FANCA: variants seen among roughly 807,000 people sequenced by gnomAD.
FANCA encodes the protein Fanconi anemia group A protein.
A neutral mutation model predicts 194.3 loss-of-function variants in FANCA; 236 were observed. That is an observed-to-expected ratio of 1.21 (90% CI 1.09 to 1.35). FANCA has a LOEUF of 1.35. Among genes scored for constraint, FANCA ranks in the 40% most tolerant of loss-of-function variants. FANCA has a pLI of 0.00. For synonymous variants in FANCA, 1,014 were observed against 715.8 expected (o/e 1.42, Z -6.65); for missense variants, 2,628 against 1,813.9 (o/e 1.45, Z -8.15).
intron 15 of FANCA, among the ~76,000 whole-genome samples, chr16:89,783,773 T>C (rs1049996321): frequency 6.6e-6 from 1 of 151,960 alleles, no homozygotes; most frequent in Non-Finnish European, 1.5e-5. Flanking sequence ...AGCGTGTTTT[T>C]TTCTTTTGAG....
At chr16:89,777,031 G>A (rs1012403130) in intron 20 of FANCA, among the ~76,000 whole-genome samples, 2 of 152,118 alleles carry the variant, frequency 1.3e-5, no homozygotes, top group African/African-American at 4.8e-5. Flanking sequence ...GCAACACAGC[G>A]AAAATCCGTG....
intron 1 of FANCA, chr16:89,816,200 G>T (rs2041115902): frequency 1.8e-6 from 1 of 569,816 alleles, no homozygotes; most frequent in South Asian, 1.8e-5. Context: ...CCGAGGCAGG[G>T]GAGCCCGGGG....
intron 5 of FANCA, chr16:89,810,448 C>G (rs2040832862): frequency 6.6e-6 from 3 of 456,980 alleles, no homozygotes; most frequent in Non-Finnish European, 1.2e-5. Context: ...ACTAATATAC[C>G]CAAGGCTAAA....
At chr16:89,764,443 C>T (rs17226820) in intron 28 of FANCA, among the ~76,000 whole-genome samples, 1,961 of 152,094 alleles carry the variant, frequency 0.013, 36 homozygotes, top group South Asian at 0.092. Flanking sequence ...GTAGCTGGAA[C>T]CAAAGGTGCA....
At position 89,810,322 on chromosome 16, in the gene FANCA, C is replaced by CA. The variant is rs71391246; in HGVS notation, c.522+384dup. ...TGTGCGACAGAGCGAGACTTCGTCTCAAAAAAAAAAAAAAAAGACCAGCCT... is the reference window on the plus strand; with the variant it reads ...TGTGCGACAGAGCGAGACTTCGTCTCAAAAAAAAAAAAAAAAAGACCAGCCT... On this transcript the variant is annotated intron_variant, in intron 5 of 42. Transcript: ENST00000389301. Among the ~76,000 whole-genome samples, 474 of 84,680 alleles carry CA rather than the reference C, an allele frequency of 5.6e-3. 1 individual carries two copies. The highest frequency in any genetic ancestry group is 0.019 in the East Asian group (38 of 2,014). The allele number at this position is 84,680 out of a possible 152,430, so 55.6% of individuals were successfully genotyped here.
chr16:89,787,380 G>A (rs549211418), intron 14 of FANCA, among the ~76,000 whole-genome samples: 4 of 152,048 alleles, frequency 2.6e-5, no homozygotes, highest in East Asian at 3.8e-4. Flanking sequence ...AAAATTAGCC[G>A]TGTGTGGTGG....
At chr16:89,799,849 C>T (rs1300774959) in intron 8 of FANCA, among the ~76,000 whole-genome samples, 8 of 152,176 alleles carry the variant, frequency 5.3e-5, no homozygotes, top group African/African-American at 1.2e-4. Context: ...AAAAATTAGC[C>T]GGGCGCAGTG....
intron 14 of FANCA, among the ~76,000 whole-genome samples, chr16:89,785,917 C>T (rs2039881300): frequency 1.5e-5 from 2 of 132,766 alleles, no homozygotes; most frequent in Admixed American, 8.6e-5. Context: ...TGCAGTGGTG[C>T]CATCTTGGCT....
chr16:89,794,928 G>C (rs2040192937), intron 11 of FANCA, among the ~76,000 whole-genome samples: 1 of 152,190 alleles, frequency 6.6e-6, no homozygotes, highest in Non-Finnish European at 1.5e-5. Context: ...GATAACGTGA[G>C]TTGTGCTGGG....
chr16:89,737,787 C>G lies in FANCA; in HGVS notation c.*814G>C. 6.2e-7 allele frequency: 1 copy of G among 1,614,134 alleles called. No individual in the cohort carries two copies. The highest frequency in any genetic ancestry group is 8.5e-7 in the Non-Finnish European group (1 of 1,180,026). ...TTGGAGCATCAGGGGCCTGGACTCACTGGACTCTCCCCTCTCAGAGGTGCG... is the reference window on the plus strand; with the variant it reads ...TTGGAGCATCAGGGGCCTGGACTCAGTGGACTCTCCCCTCTCAGAGGTGCG... On this transcript the variant is annotated 3_prime_UTR_variant, in exon 43 of 43. Transcript: ENST00000389301.
chr16:89,776,299 G>A (rs927929969), intron 20 of FANCA, among the ~76,000 whole-genome samples: 1 of 150,308 alleles, frequency 6.7e-6, no homozygotes, highest in East Asian at 2.0e-4. Flanking sequence ...TCCCGAGTAG[G>A]TGGGATTACA....
chr16:89,780,349 C>A (rs776407689), intron 17 of FANCA, among the ~76,000 whole-genome samples: 3 of 152,122 alleles, frequency 2.0e-5, no homozygotes, highest in Non-Finnish European at 2.9e-5. Context: ...GGGCTGGGTG[C>A]CATGACTCAT....
At chr16:89,754,388 T>C (rs2038703794) in intron 30 of FANCA, among the ~76,000 whole-genome samples, 1 of 152,232 alleles carries the variant, frequency 6.6e-6, no homozygotes, top group Non-Finnish European at 1.5e-5. Context: ...TTTTTTGTTT[T>C]GAGACTGAGT....
intron 33 of FANCA, among the ~76,000 whole-genome samples, chr16:89,747,586 C>G (rs1340429970): frequency 7.9e-5 from 12 of 152,112 alleles, no homozygotes. Flanking sequence ...GTAGTCCCAG[C>G]TACTCAGGAG....
At position 89,775,732 on chromosome 16, in the gene FANCA, A is replaced by G. The variant is rs1225612280; in HGVS notation, c.1900+10T>C. 8 of 1,608,380 alleles carry G rather than the reference A, an allele frequency of 5.0e-6. No individual in the cohort carries two copies. The highest frequency in any genetic ancestry group is 6.8e-6 in the Non-Finnish European group (8 of 1,176,560). ...AAGTCCCAGAGTGGACAAGCGGCCC[A>G]GGAACTTACCTTCTGGCTTCTCTTC... On this transcript the variant is annotated intron_variant, in intron 21 of 42. Coordinates refer to ENST00000389301, the MANE Select transcript of FANCA (RefSeq NM_000135.4).
In FANCA at chr16:89,739,145, C is replaced by T. The variant is rs770551622; in HGVS notation, c.4155G>A (p.Glu1385=). The T allele has an allele frequency of 6.2e-7, 1 of 1,614,162 alleles. No homozygotes were observed. The highest frequency in any genetic ancestry group is 8.5e-7 in the Non-Finnish European group (1 of 1,180,034). The change falls in exon 41 of 43, where the codon GAG becomes GAA. Residue 1385 remains glutamate, a synonymous_variant. Transcript: ENST00000389301. ...TVSPPAGRSL[E]LKGQGNPVEL... ...CCCTTGCACCTGCCTGACCCTTGAG[C>T]TCCAGGCTCCTGCCAGCTGGAGGTG...
chr16:89,771,693 C>T lies in FANCA; in HGVS notation c.2136G>A (p.Glu712=). 1 of 1,614,192 alleles carries T rather than the reference C, an allele frequency of 6.2e-7. No homozygotes were observed. The highest frequency in any genetic ancestry group is 8.5e-7 in the Non-Finnish European group (1 of 1,180,028). Residue 712 remains glutamate (E), a synonymous_variant, in exon 23 of 43, where the codon GAG becomes GAA. Transcript: ENST00000389301. ...IQLSINTPRL[E]PREHMAVDLL... is the part of the protein sequence containing the mutation. Reference sequence around the variant, plus strand: ...CTACACCTACCATGTGTTCCCGTGGCTCCAGTCTCGGCGTGTTGATGCTGA... The same window carrying T: ...CTACACCTACCATGTGTTCCCGTGGTTCCAGTCTCGGCGTGTTGATGCTGA...
At chr16:89,744,565 G>C (rs2062202095) in intron 36 of FANCA, 1 of 336,590 alleles carries the variant, frequency 3.0e-6, no homozygotes, top group South Asian at 2.4e-5. Flanking sequence ...TTAGATTTAA[G>C]AGGAAGGGGA....
At chr16:89,809,025 C>A (rs1469760654) in intron 5 of FANCA, among the ~76,000 whole-genome samples, 1 of 152,020 alleles carries the variant, frequency 6.6e-6, no homozygotes, top group Non-Finnish European at 1.5e-5. Context: ...CCTGCCTCAG[C>A]CTCCTGAGTA....
Sources: gnomAD v4.1 joint callset for allele counts (sites outside exome capture counted in the v4.1 genomes callset) on GRCh38, gnomAD v4.1.1 for gene constraint, MANE v1.5 for transcripts, NCBI Gene and HGNC (gene_info 2026-07-23, HGNC 2026-07-21) for gene names.